Variants in IL10RA observed in about 807,000 individuals in gnomAD.
The protein encoded by IL10RA is interleukin-10 receptor subunit alpha.
IL10RA carries 18 observed loss-of-function variants against 29.6 expected under a neutral mutation model. The ratio of observed to expected loss-of-function variants is 0.61; its 90% CI spans 0.42 to 0.90. IL10RA has a LOEUF of 0.90. Among genes scored for constraint, IL10RA ranks in the 40% least tolerant of loss-of-function variants. The probability of loss-of-function intolerance (pLI) is 0.00; values close to 1 mark genes in which losing one functional copy is unlikely to be tolerated. For missense variants in IL10RA, 634 were observed against 716.6 expected, an observed-to-expected ratio of 0.88 and a Z score of 1.32; for synonymous variants, 292 against 294.1, an observed-to-expected ratio of 0.99 and a Z score of 0.07.
At chr11:117,990,737 G>GAAATTTCTACATAA (rs1459308661) in intron 3 of IL10RA, among the ~76,000 whole-genome samples, 1 of 152,004 alleles carries the variant, frequency 6.6e-6, no homozygotes, top group East Asian at 1.9e-4. Flanking sequence ...CTGTCTATTG[G>GAAATTTCTACATAA]AAATTTCTAC....
chr11:118,001,046 G>C lies in IL10RA; in HGVS notation c.*1405G>C, dbSNP rs961898621. On this transcript the variant is annotated 3_prime_UTR_variant, in exon 7 of 7. Transcript: ENST00000227752. The stretch of plus-strand genomic sequence containing the variant: ...CTTTCTCTGGAGCATTCTGAAAACA[G>C]ATATTCTGGCCCAGGGAATCCAGCC... The C allele has an allele frequency of 8.8e-6, 4 of 454,144 alleles. No individual in the cohort carries two copies. The highest frequency in any genetic ancestry group is 4.0e-5 in the African/African-American group (2 of 50,006). 28.1% of individuals were successfully genotyped at this position (454,144 alleles called of 1,614,324 possible).
At position 117,993,265 on chromosome 11, in the gene IL10RA, AC is replaced by A. The variant is rs2058035414; in HGVS notation, c.394del (p.Leu132Ter). On this transcript the variant is annotated frameshift_variant, in exon 4 of 7. Transcript: ENST00000227752. LOFTEE classifies it high-confidence loss of function. The stretch of plus-strand genomic sequence containing the variant: ...GTGACTCTGACAGTTGGCAGTGTGA[AC>A]CTAGAGATCCACAATGGCTTCATCC... ...DEVTLTVGSV[N>X]LEIHNGFILG... 1 of 1,613,924 alleles carries A rather than the reference AC, an allele frequency of 6.2e-7. No individual in the cohort carries two copies. Among genetic ancestry groups the A allele is most frequent in the Admixed American group, 1.7e-5 (1 of 59,998 alleles).
At chr11:117,993,782 A>G (rs1247094763) in intron 4 of IL10RA, among the ~76,000 whole-genome samples, 1 of 152,222 alleles carries the variant, frequency 6.6e-6, no homozygotes, top group Non-Finnish European at 1.5e-5. Flanking sequence ...GAAGATCTTC[A>G]GCATCTATAA....
At chr11:117,992,323 G>A (rs1432473979) in intron 3 of IL10RA, among the ~76,000 whole-genome samples, 1 of 152,196 alleles carries the variant, frequency 6.6e-6, no homozygotes, top group East Asian at 1.9e-4. Context: ...CGACATGCAA[G>A]GGTTTCCCTT....
In IL10RA at chr11:117,995,698, A is replaced by G. The variant is rs2134991714; in HGVS notation, c.798A>G (p.Leu266=). 1 of 1,613,628 alleles carries G rather than the reference A, an allele frequency of 6.2e-7. No individual in the cohort carries two copies. The highest frequency in any genetic ancestry group is 8.5e-7 in the Non-Finnish European group (1 of 1,180,020). Residue 266 remains leucine, a synonymous_variant, in exon 6 of 7, where the codon CTA becomes CTG. Coordinates refer to ENST00000227752, the MANE Select transcript of IL10RA (RefSeq NM_001558.4). ...LQLYVRRRKK[L]PSVLLFKKPS... is the part of the protein sequence containing the mutation. ...TGTATGTGCGGCGCCGAAAGAAGCTACCCAGTGTCCTGGTGAGTCTTGCAA... is the reference window on the plus strand; with the variant it reads ...TGTATGTGCGGCGCCGAAAGAAGCTGCCCAGTGTCCTGGTGAGTCTTGCAA...
In IL10RA at chr11:117,990,098, C is replaced by T. The variant is rs1435558322; in HGVS notation, c.367+478C>T. ...GGAGAGGTAAGAGGAAAGGATAAGC[C>T]CCCAACTCAGTGGGATTTTTCATCC... On this transcript the variant is annotated intron_variant, in intron 3 of 6. Transcript: ENST00000227752. Among the ~76,000 whole-genome samples, 3 of 152,198 alleles carry T rather than the reference C, an allele frequency of 2.0e-5. No homozygotes were observed. In the East Asian group the frequency reaches 5.8e-4, roughly 29 times the overall value.
intron 1 of IL10RA, chr11:117,988,092 T>C: frequency 2.1e-6 from 1 of 470,052 alleles, no homozygotes; most frequent in South Asian, 2.0e-5. Context: ...GCCAACTTGC[T>C]TAGCCCTCGG....
chr11:118,001,829 T>G (rs2508445), downstream of IL10RA: 126,830 of 177,050 alleles, frequency 0.72, 46,060 homozygotes, highest in East Asian at 1. Flanking sequence ...GGCTGTTGAG[T>G]CTGTAAAGAA....
downstream of IL10RA, chr11:118,002,768 C>G (rs947621857): frequency 2.6e-5 from 4 of 152,186 alleles, no homozygotes; most frequent in African/African-American, 9.7e-5. Flanking sequence ...CAGACAGGCC[C>G]TTGGGAGAAA....
At position 117,999,995 on chromosome 11, in the gene IL10RA, T is replaced by C. The variant is rs4252292; in HGVS notation, c.*354T>C. On this transcript the variant is annotated 3_prime_UTR_variant, in exon 7 of 7. Transcript: ENST00000227752. ...GGAACCATGGGGCTTTCTGGAGTTG[T>C]GGTGAGGCCACCAGGCTGAAGTCAG... The C allele has an allele frequency of 5.1e-3, 2,456 of 479,980 alleles. 52 individuals are homozygous for C. The highest frequency in any genetic ancestry group is 0.044 in the African/African-American group (2,250 of 51,230). The allele number at this position is 479,980 out of a possible 1,614,324, so 29.7% of individuals were successfully genotyped here. A position where few individuals can be genotyped will look rare whatever the true frequency, so the allele number is the denominator to read the frequency against.
chr11:117,990,699 G>A (rs1315051716), intron 3 of IL10RA, among the ~76,000 whole-genome samples: 2 of 151,988 alleles, frequency 1.3e-5, no homozygotes, highest in African/African-American at 4.8e-5. Context: ...CTGGGACTTT[G>A]GAAATCATTA....
rs969381707 is a variant in IL10RA at position 117,998,924 on chromosome 11, T to C, written c.1020T>C (p.Pro340=). ...TEEPQFLLPD[P]HPQADRTLGN... ...AGCCCCAGTTCCTCCTCCCTGACCC[T>C]CACCCCCAGGCTGACAGAACGCTGG... is the stretch of plus-strand genomic sequence containing the variant. Residue 340 remains proline (P), a synonymous_variant, in exon 7 of 7, where the codon CCT becomes CCC. Transcript: ENST00000227752. The C allele has an allele frequency of 2.5e-6, 4 of 1,613,772 alleles. No individual in the cohort carries two copies. In the African/African-American group the frequency reaches 4.0e-5, roughly 16 times the overall value.
rs926253425 is a variant in IL10RA, at chr11:118,000,694, C to A, written c.*1053C>A. Reference sequence around the variant, plus strand: ...TAGCCACTTGTCAGAGGGCCTCAATCTCCCATCTGTGAAATAAGGACTCCA... The same window carrying A: ...TAGCCACTTGTCAGAGGGCCTCAATATCCCATCTGTGAAATAAGGACTCCA... On this transcript the variant is annotated 3_prime_UTR_variant, in exon 7 of 7. Coordinates refer to ENST00000227752, the MANE Select transcript of IL10RA (RefSeq NM_001558.4). The A allele has an allele frequency of 2.2e-6, 1 of 454,182 alleles. No homozygotes were observed. Among genetic ancestry groups the A allele is most frequent in the African/African-American group, 2.0e-5 (1 of 50,016 alleles). The allele number at this position is 454,182 out of a possible 1,614,324, so 28.1% of individuals were successfully genotyped here.
Position 117,989,494 on chromosome 11 carries a change from T to A in IL10RA, c.241T>A (p.Tyr81Asn). ...SISNCSQTLS[Y>N]DLTAVTLDLY... ...CTCCAACTGTAGCCAGACCCTGTCCTATGACCTTACCGCAGTGACCTTGGA... is the reference window on the plus strand; with the variant it reads ...CTCCAACTGTAGCCAGACCCTGTCCAATGACCTTACCGCAGTGACCTTGGA... Residue 81 changes from tyrosine (Y) to asparagine (N), a missense_variant, in exon 3 of 7, where the codon TAT becomes AAT. Tyr to Asn is a moderately radical substitution (Grantham distance 143). Transcript: ENST00000227752. The surrounding 1 kb of genome is among the most constrained non-coding windows in gnomAD (Gnocchi z 4.5). 1 of 1,614,200 alleles carries A rather than the reference T, an allele frequency of 6.2e-7. No homozygotes were observed.
intron 6 of IL10RA, among the ~76,000 whole-genome samples, chr11:117,997,695 G>T (rs2058065005): frequency 6.6e-6 from 1 of 152,218 alleles, no homozygotes; most frequent in Non-Finnish European, 1.5e-5. Context: ...CAAGGAGTTT[G>T]TGTTCTTTTG....
chr11:117,991,021 A>G (rs2058018981), intron 3 of IL10RA, among the ~76,000 whole-genome samples: 1 of 152,120 alleles, frequency 6.6e-6, no homozygotes, highest in African/African-American at 2.4e-5. Context: ...ACAAGGTGAA[A>G]CCCCATCTCT....
At position 117,989,242 on chromosome 11, in the gene IL10RA, A is replaced by C. The variant is rs2058007039; in HGVS notation, c.189-200A>C. Among the ~76,000 whole-genome samples the C allele has an allele frequency of 6.6e-6, 1 of 152,192 alleles. No homozygotes were observed. Among genetic ancestry groups the C allele is most frequent in the Non-Finnish European group, 1.5e-5 (1 of 68,036 alleles). On this transcript the variant is annotated intron_variant, in intron 2 of 6. Transcript: ENST00000227752. The surrounding 1 kb of genome is among the most constrained non-coding windows in gnomAD (Gnocchi z 4.5). The stretch of plus-strand genomic sequence containing the variant: ...GTATTCCTATCTAAAAATCTGCTAG[A>C]CCACATGGAAATTGGTACGGGGTCC...
Position 117,998,699 on chromosome 11 carries a change from G to A in IL10RA, c.811-16G>A. On this transcript the variant is annotated splice_polypyrimidine_tract_variant and intron_variant, in intron 6 of 6. Coordinates refer to ENST00000227752, the MANE Select transcript of IL10RA (RefSeq NM_001558.4). Reference sequence around the variant, plus strand: ...AGGTGACTCCTGCTTCTCTCACTCTGCCCTCTCTTCCCCAGCTCTTCAAGA... The same window carrying A: ...AGGTGACTCCTGCTTCTCTCACTCTACCCTCTCTTCCCCAGCTCTTCAAGA... 6.2e-7 allele frequency: 1 copy of A among 1,612,540 alleles called. No individual in the cohort carries two copies. Among genetic ancestry groups the A allele is most frequent in the South Asian group, 1.1e-5 (1 of 91,042 alleles).
intron 5 of IL10RA, 71 bp from the exon 6 acceptor site, chr11:117,995,518 C>A: frequency 1.2e-5 from 19 of 1,603,058 alleles, no homozygotes; most frequent in Non-Finnish European, 1.6e-5. Flanking sequence ...TTTCATGGGA[C>A]CAGAGTCCTA....
Sources: allele counts gnomAD v4.1 joint callset (sites outside exome capture counted in the v4.1 genomes callset), GRCh38; gene constraint gnomAD v4.1.1; non-coding constraint Gnocchi (gnomAD v3.1); transcripts MANE v1.5; gene names NCBI Gene and HGNC (gene_info 2026-07-23, HGNC 2026-07-21).